The following PTH2R variants were observed in gnomAD, a reference collection of about 807,000 sequenced individuals.
PTH2R encodes the protein parathyroid hormone 2 receptor.
In PTH2R, 59 loss-of-function variants were observed where a neutral mutation model predicts 60.3. The ratio of observed to expected loss-of-function variants is 0.98; its 90% CI spans 0.79 to 1.22. The LOEUF (loss-of-function observed/expected upper bound fraction) is 1.22. Among genes scored for constraint, PTH2R ranks in the 50% most tolerant of loss-of-function variants. The probability of loss-of-function intolerance (pLI) is 0.00; values close to 1 mark genes in which losing one functional copy is unlikely to be tolerated. For synonymous variants in PTH2R, 256 were observed against 243.8 expected (o/e 1.05, Z -0.47); for missense variants, 749 against 682.6 (o/e 1.10, Z -1.08).
intron 2 of PTH2R, among the ~76,000 whole-genome samples, chr2:208,432,429 G>A (rs1190245840): frequency 6.6e-6 from 1 of 152,170 alleles, no homozygotes; most frequent in African/African-American, 2.4e-5. Context: ...AGGCTTCCTG[G>A]AAGAATAATT....
chr2:208,464,998 C>T (rs1702714119), intron 9 of PTH2R, among the ~76,000 whole-genome samples: 1 of 152,050 alleles, frequency 6.6e-6, no homozygotes, highest in African/African-American at 2.4e-5. Context: ...TTTTTTGAGA[C>T]AGGATCTCAC....
intron 1 of PTH2R, among the ~76,000 whole-genome samples, chr2:208,425,117 A>G (rs532384980): frequency 1.7e-4 from 26 of 152,232 alleles, no homozygotes; most frequent in African/African-American, 6.3e-4. Flanking sequence ...AAAATCAAGC[A>G]GAACAAAATA....
chr2:208,369,645 A>C (rs1158762707), intron 1 of PTH2R, among the ~76,000 whole-genome samples: 2 of 152,064 alleles, frequency 1.3e-5, no homozygotes, highest in African/African-American at 4.8e-5. Flanking sequence ...AGCGTGAGCC[A>C]CTGTGCCTGG....
intron 9 of PTH2R, among the ~76,000 whole-genome samples, chr2:208,467,800 A>G (rs970311331): frequency 1.3e-5 from 2 of 151,900 alleles, no homozygotes; most frequent in Non-Finnish European, 2.9e-5. Context: ...CTTGCGAAAG[A>G]CATTCCTGGG....
chr2:208,428,385 G>A, intron 2 of PTH2R, 82 bp downstream of exon 2: 2 of 950,302 alleles, frequency 2.1e-6, no homozygotes, highest in Non-Finnish European at 3.3e-6. Flanking sequence ...CTTCTTTAGT[G>A]TTAGGGAGAT....
intron 1 of PTH2R, among the ~76,000 whole-genome samples, chr2:208,377,961 C>T (rs1480651870): frequency 1.3e-5 from 2 of 151,992 alleles, no homozygotes; most frequent in Non-Finnish European, 2.9e-5. Flanking sequence ...CCTCACTTCC[C>T]AGACGGGGTG....
chr2:208,405,813 C>T (rs932395402), upstream of PTH2R, among the ~76,000 whole-genome samples: 2 of 152,066 alleles, frequency 1.3e-5, no homozygotes, highest in East Asian at 1.9e-4. Context: ...GATCAGTGCC[C>T]TTATAAAAGA....
At chr2:208,443,265 T>C in intron 5 of PTH2R, 83 bp from the exon 6 acceptor site, 1 of 1,226,602 alleles carries the variant, frequency 8.2e-7, no homozygotes, top group Non-Finnish European at 1.1e-6. Flanking sequence ...AGCAGGCTGG[T>C]TGGTGGTGGC....
chr2:208,400,223 A>T (rs1701282835), intron 1 of PTH2R, among the ~76,000 whole-genome samples: 1 of 152,254 alleles, frequency 6.6e-6, no homozygotes, highest in Non-Finnish European at 1.5e-5. Flanking sequence ...TATTGAAAAC[A>T]AAATAAAATA....
At chr2:208,415,389 T>G (rs551983728) in intron 1 of PTH2R, among the ~76,000 whole-genome samples, 1 of 152,356 alleles carries the variant, frequency 6.6e-6, no homozygotes, top group South Asian at 2.1e-4. Flanking sequence ...CACAGCCACA[T>G]TCATTCACCT....
intron 1 of PTH2R, among the ~76,000 whole-genome samples, chr2:208,380,300 CA>C (rs1305749843): frequency 1.3e-5 from 2 of 152,100 alleles, no homozygotes; most frequent in African/African-American, 4.8e-5. Flanking sequence ...TTTAAATTCA[CA>C]AGATGCTTGT....
chr2:208,391,031 C>T (rs1701099479), intron 1 of PTH2R, among the ~76,000 whole-genome samples: 1 of 152,054 alleles, frequency 6.6e-6, no homozygotes, highest in Non-Finnish European at 1.5e-5. Flanking sequence ...GACTTTTATT[C>T]CTGAGGGAGT....
intron 7 of PTH2R, among the ~76,000 whole-genome samples, chr2:208,447,422 A>G (rs1002813037): frequency 9.2e-5 from 14 of 151,956 alleles, no homozygotes; most frequent in Middle Eastern, 3.2e-3. Flanking sequence ...CCCTGCCTCT[A>G]CTAAAAATAC....
In PTH2R at chr2:208,465,388, C is replaced by CT. The variant is rs60871321; in HGVS notation, c.981+5459dup. 6.3e-3 allele frequency among the ~76,000 whole-genome samples: 252 copies of CT among 39,924 alleles called. 56 individuals carry two copies. The highest frequency in any genetic ancestry group is 0.012 in the East Asian group (12 of 1,024). 26.2% of individuals were successfully genotyped at this position (39,924 alleles called of 152,430 possible). A position where few individuals can be genotyped will look rare whatever the true frequency, so the allele number is the denominator to read the frequency against. ...ACATACTTGTTGGCTATTTGTAAGTCTTTTTTTTTTTTTTTTTTTTTTTTT... is the reference window on the plus strand; with the variant it reads ...ACATACTTGTTGGCTATTTGTAAGTCTTTTTTTTTTTTTTTTTTTTTTTTTT... On this transcript the variant is annotated intron_variant, in intron 9 of 12. Coordinates refer to ENST00000272847, the MANE Select transcript of PTH2R (RefSeq NM_005048.4).
intron 10 of PTH2R, among the ~76,000 whole-genome samples, chr2:208,482,666 A>G (rs1291550850): frequency 1.3e-5 from 2 of 152,224 alleles, no homozygotes; most frequent in Non-Finnish European, 2.9e-5. Flanking sequence ...AACAATCCAC[A>G]GAAAGAGGAA....
intron 2 of PTH2R, among the ~76,000 whole-genome samples, chr2:208,431,933 G>T (rs1701980875): frequency 6.6e-6 from 1 of 152,168 alleles, no homozygotes; most frequent in African/African-American, 2.4e-5. Context: ...AAGAAAGAAG[G>T]CTTTTACATT....
At position 208,459,929 on chromosome 2, in the gene PTH2R, A is replaced by G; in HGVS notation, c.949A>G (p.Ile317Val). ...WELSAGDIKW[I>V]YQAPILAAIG... The stretch of plus-strand genomic sequence containing the variant: ...ACTTAGTGCTGGAGACATCAAGTGG[A>G]TTTATCAAGCACCGATCTTAGCAGC... Residue 317 changes from isoleucine (I) to valine (V), a missense_variant, in exon 9 of 13, where the codon ATT becomes GTT. Ile to Val is a conservative substitution (Grantham distance 29). Transcript: ENST00000272847. 6.2e-7 allele frequency: 1 copy of G among 1,613,132 alleles called. No homozygotes were observed. The highest frequency in any genetic ancestry group is 8.5e-7 in the Non-Finnish European group (1 of 1,179,398).
intron 9 of PTH2R, among the ~76,000 whole-genome samples, chr2:208,460,183 C>A (rs1188971036): frequency 1.3e-5 from 2 of 152,162 alleles, no homozygotes; most frequent in African/African-American, 4.8e-5. Flanking sequence ...CACTTGGGGT[C>A]AATTCCGAGA....
chr2:208,429,592 T>C (rs551376076), intron 2 of PTH2R, among the ~76,000 whole-genome samples: 30 of 152,160 alleles, frequency 2.0e-4, no homozygotes, highest in Non-Finnish European at 3.5e-4. Context: ...CTTGTATATC[T>C]TTTCCAATCC....
Sources: allele counts gnomAD v4.1 joint callset (sites outside exome capture counted in the v4.1 genomes callset), GRCh38; gene constraint gnomAD v4.1.1; transcripts MANE v1.5; gene names NCBI Gene and HGNC (gene_info 2026-07-23, HGNC 2026-07-21).